Variants in PDE4D observed in about 807,000 individuals in gnomAD.
The protein encoded by PDE4D is phosphodiesterase 4D, also known as 3',5'-cyclic-AMP phosphodiesterase 4D.
Under a neutral mutation model 87.4 loss-of-function variants are expected in PDE4D, and 24 were observed. The ratio of observed to expected loss-of-function variants is 0.27; its 90% CI spans 0.20 to 0.39. The LOEUF (loss-of-function observed/expected upper bound fraction) is 0.39, where lower values mean the gene tolerates loss of function less well. PDE4D is among the 10% of genes least tolerant of loss of function. The probability of loss-of-function intolerance (pLI) is 1.00; values close to 1 mark genes in which losing one functional copy is unlikely to be tolerated. For missense variants in PDE4D, 714 were observed against 1,041.0 expected (o/e 0.69, Z 4.32); for synonymous variants, 384 against 383.2 (o/e 1.00, Z -0.02).
intron 1 of PDE4D, among the ~76,000 whole-genome samples, chr5:59,692,988 T>C (rs987653790): frequency 6.6e-6 from 1 of 152,120 alleles, no homozygotes; most frequent in Non-Finnish European, 1.5e-5. Flanking sequence ...GTCTATTTAA[T>C]GTATTATAGT....
intron 1 of PDE4D, among the ~76,000 whole-genome samples, chr5:60,497,610 C>T (rs1749875678): frequency 6.6e-6 from 1 of 151,898 alleles, no homozygotes; most frequent in African/African-American, 2.4e-5. Context: ...CACTATGTTC[C>T]CCAGGCTGAT....
rs185673756 is a variant in PDE4D at position 59,986,062 on chromosome 5, T to C, written c.272+2426A>G. Among the ~76,000 whole-genome samples, 5 of 152,340 alleles carry C rather than the reference T, an allele frequency of 3.3e-5. No individual in the cohort carries two copies. The East Asian group carries it at 7.7e-4, about 23-fold the overall frequency. The stretch of plus-strand genomic sequence containing the variant: ...CTGAAGTTCCTTGGCACTTGGAAAC[T>C]GTTTTTAGCAATACATTCTCTCTCT... On this transcript the variant is annotated intron_variant, in intron 3 of 16. Transcript: ENST00000502484.
chr5:59,752,774 A>G (rs1425608510), intron 1 of PDE4D, among the ~76,000 whole-genome samples: 1 of 152,150 alleles, frequency 6.6e-6, no homozygotes, highest in Non-Finnish European at 1.5e-5. Flanking sequence ...GCTGAGGTTG[A>G]GCAACCCTGC....
intron 1 of PDE4D, among the ~76,000 whole-genome samples, chr5:59,441,376 C>A (rs1260710767): frequency 6.6e-6 from 1 of 152,182 alleles, no homozygotes; most frequent in Non-Finnish European, 1.5e-5. Flanking sequence ...CGATTACAGG[C>A]GTGAGCCACT....
intron 5 of PDE4D, among the ~76,000 whole-genome samples, chr5:59,120,270 G>T (rs970524595): frequency 1.3e-5 from 2 of 152,094 alleles, no homozygotes; most frequent in Admixed American, 1.3e-4. Context: ...CAAGCTGAAG[G>T]TTACTTTAAT....
intron 1 of PDE4D, among the ~76,000 whole-genome samples, chr5:59,846,114 T>G (rs190157513): frequency 6.6e-6 from 1 of 152,160 alleles, no homozygotes; most frequent in East Asian, 1.9e-4. Flanking sequence ...GACTCCCTGC[T>G]TTTTTTAGGA....
At chr5:59,136,711 C>G (rs1451493062) in intron 5 of PDE4D, among the ~76,000 whole-genome samples, 1 of 152,118 alleles carries the variant, frequency 6.6e-6, no homozygotes, top group Admixed American at 6.5e-5. Flanking sequence ...CAGTCATGAC[C>G]AAGCAATTAG....
chr5:59,688,883 G>T (rs563158417), intron 1 of PDE4D, among the ~76,000 whole-genome samples: 1 of 152,182 alleles, frequency 6.6e-6, no homozygotes, highest in East Asian at 1.9e-4. Flanking sequence ...AATGATAAAG[G>T]TGATATCACC....
At chr5:60,100,069 GA>G (rs1223574441) in intron 2 of PDE4D, among the ~76,000 whole-genome samples, 1 of 151,670 alleles carries the variant, frequency 6.6e-6, no homozygotes, top group Admixed American at 6.6e-5. Flanking sequence ...GCAGTTGAAA[GA>G]AAAAAGAGGA....
chr5:59,253,757 T>C (rs1760436561), intron 1 of PDE4D, among the ~76,000 whole-genome samples: 1 of 152,114 alleles, frequency 6.6e-6, no homozygotes, highest in Non-Finnish European at 1.5e-5. Context: ...AGAATTTTGA[T>C]CATTAAAAAG....
intron 2 of PDE4D, among the ~76,000 whole-genome samples, chr5:60,071,932 T>C (rs1772764833): frequency 6.6e-6 from 1 of 152,196 alleles, no homozygotes; most frequent in South Asian, 2.1e-4. Flanking sequence ...GATAGGCATT[T>C]AGATTGATTC....
intron 5 of PDE4D, among the ~76,000 whole-genome samples, chr5:59,057,210 TG>T (rs1383681619): frequency 6.6e-6 from 1 of 152,176 alleles, no homozygotes; most frequent in African/African-American, 2.4e-5. Flanking sequence ...AATCCTTGAA[TG>T]GACCAAATGC....
Position 59,713,998 on chromosome 5 carries a change from T to C in PDE4D, c.455+179170A>G, listed in dbSNP as rs573352207. ...AGGTGGGGTGCCTGAAGGCCTGGCA[T>C]AGGGTTGGAAAGGGAGTTAGAGGCT... On this transcript the variant is annotated intron_variant, in intron 1 of 14. Coordinates refer to ENST00000340635, the MANE Select transcript of PDE4D (RefSeq NM_001104631.2). Among the ~76,000 whole-genome samples, 8 of 152,184 alleles carry C rather than the reference T, an allele frequency of 5.3e-5. No individual in the cohort carries two copies. In the South Asian group the frequency reaches 1.7e-3, roughly 32 times the overall value.
At chr5:60,325,983 G>T (rs1157246991) in intron 1 of PDE4D, among the ~76,000 whole-genome samples, 1 of 152,084 alleles carries the variant, frequency 6.6e-6, no homozygotes, top group Non-Finnish European at 1.5e-5. Context: ...CTAGATCATT[G>T]TATGTATCAG....
chr5:60,097,399 T>C (rs868830402), intron 2 of PDE4D, among the ~76,000 whole-genome samples: 1 of 151,822 alleles, frequency 6.6e-6, no homozygotes, highest in Non-Finnish European at 1.5e-5. Context: ...CAAATCCCAT[T>C]CACATCTGAA....
chr5:59,573,568 C>T (rs1822246926), intron 1 of PDE4D, among the ~76,000 whole-genome samples: 1 of 152,102 alleles, frequency 6.6e-6, no homozygotes, highest in Non-Finnish European at 1.5e-5. Flanking sequence ...TGCCTCATCT[C>T]CATCATTCTC....
At chr5:59,096,545 A>T (rs183473489) in intron 5 of PDE4D, among the ~76,000 whole-genome samples, 1 of 152,292 alleles carries the variant, frequency 6.6e-6, no homozygotes, top group East Asian at 1.9e-4. Flanking sequence ...ACCCTTAATT[A>T]TGTGGGAGCT....
intron 2 of PDE4D, among the ~76,000 whole-genome samples, chr5:60,080,916 C>T (rs189216519): frequency 6.6e-6 from 1 of 152,282 alleles, no homozygotes; most frequent in African/African-American, 2.4e-5. Flanking sequence ...GGAGGAGTCC[C>T]TCCTTTTCAA....
chr5:60,513,478 A>G (rs1428236349), intron 1 of PDE4D, among the ~76,000 whole-genome samples: 1 of 152,140 alleles, frequency 6.6e-6, no homozygotes, highest in East Asian at 1.9e-4. Flanking sequence ...TAATCCCACA[A>G]ATCATAAGAC....
Sources: allele counts gnomAD v4.1 joint callset (sites outside exome capture counted in the v4.1 genomes callset), GRCh38; gene constraint gnomAD v4.1.1; transcripts MANE v1.5; gene names NCBI Gene and HGNC (gene_info 2026-07-23, HGNC 2026-07-21).